ARPP21: variants seen among roughly 807,000 people sequenced by gnomAD.
ARPP21 encodes cAMP regulated phosphoprotein 21.
ARPP21 carries 69 observed loss-of-function variants against 113.2 expected under a neutral mutation model. The observed-to-expected ratio is 0.61, with a 90% CI of 0.50 to 0.74. The LOEUF (loss-of-function observed/expected upper bound fraction) is 0.74. ARPP21 is among the 30% of genes least tolerant of loss of function. The pLI is 0.00. For synonymous variants in ARPP21, 368 were observed against 375.5 expected (o/e 0.98, Z 0.23); for missense variants, 1,070 against 1,037.4 (o/e 1.03, Z -0.43).
intron 19 of ARPP21, among the ~76,000 whole-genome samples, chr3:35,786,359 T>C (rs931346102): frequency 8.4e-4 from 127 of 151,798 alleles, no homozygotes; most frequent in African/African-American, 2.9e-3. Context: ...CCATCTCTAC[T>C]AAAAATACAA....
chr3:35,711,350 T>C (rs868367073), intron 11 of ARPP21, among the ~76,000 whole-genome samples: 1 of 152,206 alleles, frequency 6.6e-6, no homozygotes, highest in Admixed American at 6.5e-5. Flanking sequence ...GTCCCTATTG[T>C]ATATCATATT....
chr3:35,733,681 G>A (rs557888068), intron 15 of ARPP21, among the ~76,000 whole-genome samples: 4 of 152,228 alleles, frequency 2.6e-5, no homozygotes, highest in East Asian at 3.9e-4. Context: ...CACCTATCCC[G>A]GGTCTCTTAG....
intron 19 of ARPP21, among the ~76,000 whole-genome samples, chr3:35,748,052 A>AGGAGGG (rs1340630853): frequency 7.3e-6 from 1 of 137,908 alleles, no homozygotes; most frequent in African/African-American, 2.9e-5. Context: ...GAGAGAAAGA[A>AGGAGGG]AAGGAAGAAG....
intron 9 of ARPP21, among the ~76,000 whole-genome samples, chr3:35,700,894 G>T (rs531134847): frequency 2.6e-4 from 40 of 151,604 alleles, no homozygotes; most frequent in Non-Finnish European, 4.1e-4. Flanking sequence ...GGGGCTGGGG[G>T]AGGAATAGCA....
chr3:35,689,957 G>C (rs1453713133), intron 7 of ARPP21, 124 bp from the exon 8 acceptor site: 2 of 594,042 alleles, frequency 3.4e-6, no homozygotes, highest in Non-Finnish European at 6.0e-6. Context: ...TTCCAAAGAA[G>C]AGTTAGGTAT....
chr3:35,764,438 C>T (rs954512800), intron 19 of ARPP21, among the ~76,000 whole-genome samples: 1 of 151,970 alleles, frequency 6.6e-6, no homozygotes, highest in Non-Finnish European at 1.5e-5. Context: ...AGGTTTTTTT[C>T]CTCCAAGTAT....
chr3:35,761,235 A>G (rs1358565255), intron 19 of ARPP21, among the ~76,000 whole-genome samples: 2 of 152,132 alleles, frequency 1.3e-5, no homozygotes, highest in Non-Finnish European at 2.9e-5. Context: ...TGTCTAATAC[A>G]GCAAATGTTT....
At chr3:35,697,960 C>T (rs1016261838) in intron 9 of ARPP21, among the ~76,000 whole-genome samples, 2 of 151,520 alleles carry the variant, frequency 1.3e-5, no homozygotes, top group African/African-American at 4.8e-5. Context: ...TATTTAAGTG[C>T]CTCTTAAAAA....
chr3:35,738,433 G>A (rs1281956437), intron 17 of ARPP21, 115 bp downstream of exon 17: 1 of 738,074 alleles, frequency 1.4e-6, no homozygotes, highest in Non-Finnish European at 2.3e-6. Context: ...CTGACTGTGA[G>A]GGGGTATGTG....
chr3:35,697,307 A>T (rs2084431469), intron 9 of ARPP21, among the ~76,000 whole-genome samples: 1 of 151,606 alleles, frequency 6.6e-6, no homozygotes, highest in Admixed American at 6.6e-5. Flanking sequence ...TGAAACAAAA[A>T]TAGTGGCCGA....
At chr3:35,660,304 C>A (rs75048037) in intron 1 of ARPP21, among the ~76,000 whole-genome samples, 7,753 of 152,168 alleles carry the variant, frequency 0.051, 657 homozygotes, top group African/African-American at 0.18. Flanking sequence ...TATAAATGAT[C>A]GGCCCAGCCA....
chr3:35,696,490 C>G (rs753617043), intron 9 of ARPP21, among the ~76,000 whole-genome samples: 1 of 151,542 alleles, frequency 6.6e-6, no homozygotes, highest in Non-Finnish European at 1.5e-5. Flanking sequence ...ACTCCTGTAA[C>G]AAATAGAGTC....
At chr3:35,792,678 A>G (rs1204579255) in intron 20 of ARPP21, 148 bp downstream of exon 20, 3 of 697,330 alleles carry the variant, frequency 4.3e-6, no homozygotes, top group Non-Finnish European at 7.4e-6. Flanking sequence ...TCAAGATTAT[A>G]ATAGAAAAGT....
intron 19 of ARPP21, among the ~76,000 whole-genome samples, chr3:35,746,969 T>C (rs1195842467): frequency 2.0e-5 from 3 of 152,176 alleles, no homozygotes; most frequent in African/African-American, 7.2e-5. Context: ...CCTGGTGATT[T>C]TGTACTCTTC....
Position 35,681,843 on chromosome 3 carries a change from C to T in ARPP21, c.92C>T (p.Ser31Leu), listed in dbSNP as rs1444663910. 1 of 1,612,046 alleles carries T rather than the reference C, an allele frequency of 6.2e-7. No homozygotes were observed. Among genetic ancestry groups the T allele is most frequent in the South Asian group, 1.1e-5 (1 of 90,980 alleles). The part of the protein sequence containing the change: ...TATPENGIVK[S>L]ESLDEEEKLE... ...ACTCCAGAGAACGGCATTGTTAAAT[C>T]AGAAAGTCTGGATGAAGAGGAGAAA... Residue 31 changes from serine to leucine, a missense_variant, in exon 3 of 21, where the codon TCA becomes TTA. Physicochemically the swap from Ser to Leu is moderately radical, Grantham distance 145. Transcript: ENST00000684406.
intron 19 of ARPP21, among the ~76,000 whole-genome samples, chr3:35,753,046 G>GTA (rs944742569): frequency 3.0e-5 from 4 of 133,144 alleles, no homozygotes; most frequent in African/African-American, 1.4e-4. Flanking sequence ...CAGGAAGTGT[G>GTA]TGTGTGTGTG....
At chr3:35,716,866 T>C (rs2092475449) in intron 12 of ARPP21, among the ~76,000 whole-genome samples, 1 of 152,032 alleles carries the variant, frequency 6.6e-6, no homozygotes, top group Non-Finnish European at 1.5e-5. Context: ...GTCTTGATGG[T>C]CCTGGAAACC....
intron 19 of ARPP21, among the ~76,000 whole-genome samples, chr3:35,771,985 C>T (rs943157363): frequency 3.9e-5 from 6 of 152,168 alleles, no homozygotes; most frequent in East Asian, 3.8e-4. Context: ...ATCTAATTCA[C>T]ATCAGGCAAG....
chr3:35,673,362 T>G (rs2076788406), intron 1 of ARPP21, among the ~76,000 whole-genome samples: 1 of 151,980 alleles, frequency 6.6e-6, no homozygotes, highest in East Asian at 1.9e-4. Flanking sequence ...CTTTCATTCT[T>G]TTGCGCCCCT....
Sources: allele counts gnomAD v4.1 joint callset (sites outside exome capture counted in the v4.1 genomes callset), GRCh38; gene constraint gnomAD v4.1.1; transcripts MANE v1.5; gene names NCBI Gene and HGNC (gene_info 2026-07-23, HGNC 2026-07-21).